TAFA2: variants seen among roughly 807,000 people sequenced by gnomAD.
The protein encoded by TAFA2 is chemokine-like protein TAFA-2.
TAFA2 carries 7 observed loss-of-function variants against 18.8 expected under a neutral mutation model. The observed-to-expected ratio is 0.37, with a 90% CI of 0.21 to 0.70. The LOEUF (loss-of-function observed/expected upper bound fraction) is 0.70, where lower values mean the gene tolerates loss of function less well. Among genes scored for constraint, TAFA2 ranks in the 30% least tolerant of loss-of-function variants. The pLI is 0.53. For synonymous variants in TAFA2, 60 were observed against 54.2 expected, an observed-to-expected ratio of 1.11 and a Z score of -0.47; for missense variants, 122 against 158.1, an observed-to-expected ratio of 0.77 and a Z score of 1.23.
At chr12:62,213,471 C>T (rs1487104860) in intron 1 of TAFA2, among the ~76,000 whole-genome samples, 2 of 151,912 alleles carry the variant, frequency 1.3e-5, no homozygotes, top group African/African-American at 2.4e-5. Flanking sequence ...GGTGAAACCC[C>T]GTCTGTACTA....
chr12:62,006,755 C>A (rs576035005), intron 1 of TAFA2, among the ~76,000 whole-genome samples: 5 of 152,120 alleles, frequency 3.3e-5, no homozygotes, highest in Non-Finnish European at 1.5e-5. Context: ...ATTCAGTGAC[C>A]AATATATCTT....
intron 2 of TAFA2, among the ~76,000 whole-genome samples, chr12:61,852,526 C>A (rs1873717450): frequency 6.6e-6 from 1 of 152,146 alleles, no homozygotes; most frequent in African/African-American, 2.4e-5. Flanking sequence ...GCAGCAAGAT[C>A]CAGGGGTAGG....
intron 1 of TAFA2, among the ~76,000 whole-genome samples, chr12:61,915,994 T>C: frequency 6.6e-6 from 1 of 151,970 alleles, no homozygotes; most frequent in East Asian, 1.9e-4. Flanking sequence ...CAAGTCAGAG[T>C]TTCCATCCAT....
intron 1 of TAFA2, among the ~76,000 whole-genome samples, chr12:61,871,597 C>T (rs1037765834): frequency 6.6e-6 from 1 of 152,144 alleles, no homozygotes; most frequent in African/African-American, 2.4e-5. Flanking sequence ...TTGCAAGGAG[C>T]ACAAGGGAAA....
At chr12:62,152,803 G>A (rs541209690) in intron 1 of TAFA2, among the ~76,000 whole-genome samples, 2 of 152,266 alleles carry the variant, frequency 1.3e-5, no homozygotes, top group South Asian at 4.1e-4. Flanking sequence ...TACAACAATA[G>A]AGCCAGTTCT....
chr12:61,780,489 C>A (rs1870458185), intron 2 of TAFA2, among the ~76,000 whole-genome samples: 1 of 151,772 alleles, frequency 6.6e-6, no homozygotes, highest in African/African-American at 2.4e-5. Context: ...CTTGTAAATT[C>A]TTTATTTGCC....
intron 1 of TAFA2, among the ~76,000 whole-genome samples, chr12:62,209,209 A>C (rs1266947391): frequency 6.6e-6 from 1 of 152,208 alleles, no homozygotes; most frequent in Non-Finnish European, 1.5e-5. Context: ...CCATCTGTCA[A>C]GGGATTACCA....
chr12:62,251,151 T>C (rs1210956099), intron 1 of TAFA2, among the ~76,000 whole-genome samples: 1 of 152,220 alleles, frequency 6.6e-6, no homozygotes, highest in Admixed American at 6.5e-5. Flanking sequence ...CAGCAGGTAG[T>C]CATGTAATTG....
intron 1 of TAFA2, among the ~76,000 whole-genome samples, chr12:62,248,288 C>A (rs1200255524): frequency 5.3e-5 from 8 of 152,180 alleles, no homozygotes; most frequent in Admixed American, 5.2e-4. Flanking sequence ...CCTTACTAGG[C>A]ATGTGTTAAG....
chr12:62,188,475 C>T (rs1041574185), intron 1 of TAFA2, among the ~76,000 whole-genome samples: 2 of 152,092 alleles, frequency 1.3e-5, no homozygotes, highest in African/African-American at 4.8e-5. Context: ...TTAGAGAGTT[C>T]GTCAGTAAAT....
rs944824256 is a variant in TAFA2, at chr12:61,871,551, G to A, written c.-1-4125C>T. On this transcript the variant is annotated intron_variant, in intron 1 of 4. Coordinates refer to ENST00000416284, the MANE Select transcript of TAFA2 (RefSeq NM_178539.5). The stretch of plus-strand genomic sequence containing the variant: ...AAACTAAAGGAAAATACACATAGAG[G>A]AGGAAACCTTGAAATCGCTCCCAGG... 1.3e-3 allele frequency among the ~76,000 whole-genome samples: 200 copies of A among 152,310 alleles called. 3 individuals carry two copies. The highest frequency in any genetic ancestry group is 8.3e-4 in the South Asian group (4 of 4,826).
At chr12:61,844,479 A>C (rs2198773) in intron 2 of TAFA2, among the ~76,000 whole-genome samples, 43,969 of 152,012 alleles carry the variant, frequency 0.29, 6,978 homozygotes, top group South Asian at 0.4. Flanking sequence ...ATGATTATTA[A>C]TTCTTTGAGA....
At chr12:61,992,073 C>G (rs139701953) in intron 1 of TAFA2, among the ~76,000 whole-genome samples, 1,770 of 152,254 alleles carry the variant, frequency 0.012, 10 homozygotes, top group Non-Finnish European at 0.018. Flanking sequence ...ACTAAACCCC[C>G]TAGCTCATCT....
chr12:62,199,185 C>T (rs140997596), intron 1 of TAFA2, among the ~76,000 whole-genome samples: 1 of 152,186 alleles, frequency 6.6e-6, no homozygotes, highest in Non-Finnish European at 1.5e-5. Flanking sequence ...GGCCACATGC[C>T]TTTTTATTTT....
chr12:62,202,027 A>G (rs1022696444), intron 1 of TAFA2, among the ~76,000 whole-genome samples: 34 of 152,290 alleles, frequency 2.2e-4, no homozygotes, highest in African/African-American at 7.7e-4. Context: ...TTATTTGCAT[A>G]GATGTGTTTA....
At chr12:61,952,857 T>C (rs1388761008) in intron 1 of TAFA2, among the ~76,000 whole-genome samples, 4 of 152,116 alleles carry the variant, frequency 2.6e-5, no homozygotes, top group African/African-American at 7.2e-5. Context: ...TATGGTCACA[T>C]AAAGAACCGA....
intron 1 of TAFA2, among the ~76,000 whole-genome samples, chr12:61,925,754 G>T (rs1005135154): frequency 6.6e-6 from 1 of 152,120 alleles, no homozygotes; most frequent in African/African-American, 2.4e-5. Flanking sequence ...AAGCAGGAAA[G>T]ATCTAAAATC....
At chr12:61,984,751 C>T (rs1342160388) in intron 1 of TAFA2, among the ~76,000 whole-genome samples, 1 of 152,034 alleles carries the variant, frequency 6.6e-6, no homozygotes, top group Admixed American at 6.6e-5. Context: ...ACAGTGGGTA[C>T]AAGAATGGAC....
At chr12:61,863,205 C>A (rs1199868787) in intron 2 of TAFA2, among the ~76,000 whole-genome samples, 1 of 152,146 alleles carries the variant, frequency 6.6e-6, no homozygotes, top group Non-Finnish European at 1.5e-5. Context: ...GCTCCTTACA[C>A]TGATAGACCA....
Sources: allele counts gnomAD v4.1 joint callset (sites outside exome capture counted in the v4.1 genomes callset), GRCh38; gene constraint gnomAD v4.1.1; transcripts MANE v1.5; gene names NCBI Gene and HGNC (gene_info 2026-07-23, HGNC 2026-07-21).